XRN2: variants seen among roughly 807,000 people sequenced by gnomAD.
The protein encoded by XRN2 is DHM1-like protein.
Under a neutral mutation model 138.5 loss-of-function variants are expected in XRN2, and 44 were observed. The ratio of observed to expected loss-of-function variants is 0.32; its 90% CI spans 0.25 to 0.41. The LOEUF is 0.41. Ranked by LOEUF, XRN2 falls within the 10% of genes least tolerant of loss-of-function variation. XRN2 has a pLI of 1.00. For synonymous variants in XRN2, 354 were observed against 369.4 expected (o/e 0.96, Z 0.48); for missense variants, 937 against 1,169.3 (o/e 0.80, Z 2.90).
chr20:21,382,054 A>G lies in XRN2; in HGVS notation c.2645A>G (p.Asp882Gly). ...CCCCTTTTCCAGCAGCAAAGGTTTGACAGGTAATATTAAAAGTAGACATGA... is the reference window on the plus strand; with the variant it reads ...CCCCTTTTCCAGCAGCAAAGGTTTGGCAGGTAATATTAAAAGTAGACATGA... ...PPPLFQQQRF[D>G]RGVGAEPLLP... Residue 882 changes from aspartate (D) to glycine (G), a missense_variant, in exon 28 of 30, where the codon GAC (aspartate) becomes GGC (glycine). By Grantham distance (94) the Asp-to-Gly change is moderately conservative. Transcript: ENST00000377191. 1.3e-6 allele frequency: 2 copies of G among 1,503,570 alleles called. No homozygotes were observed. Among genetic ancestry groups the G allele is most frequent in the Non-Finnish European group, 1.8e-6 (2 of 1,136,974 alleles). 93.1% of individuals were successfully genotyped at this position (1,503,570 alleles called of 1,614,324 possible). A position where few individuals can be genotyped will look rare whatever the true frequency, so the allele number is the denominator to read the frequency against.
chr20:21,329,175 TG>T (rs781500751), intron 4 of XRN2, among the ~76,000 whole-genome samples: 4 of 152,212 alleles, frequency 2.6e-5, no homozygotes, highest in Admixed American at 6.5e-5. Flanking sequence ...TATAGGTTGA[TG>T]GAGCAGGCAC....
At chr20:21,379,296 A>G (rs1389110894) in intron 27 of XRN2, among the ~76,000 whole-genome samples, 1 of 152,208 alleles carries the variant, frequency 6.6e-6, no homozygotes, top group Non-Finnish European at 1.5e-5. Context: ...AGCCATACAA[A>G]TGAATGATAA....
intron 1 of XRN2, among the ~76,000 whole-genome samples, chr20:21,314,825 G>T (rs1239296065): frequency 6.6e-6 from 1 of 152,174 alleles, no homozygotes; most frequent in Non-Finnish European, 1.5e-5. Flanking sequence ...CAACTTGTCT[G>T]AGTCTGAGGA....
At chr20:21,380,497 A>G (rs898315870) in intron 27 of XRN2, among the ~76,000 whole-genome samples, 3 of 152,214 alleles carry the variant, frequency 2.0e-5, no homozygotes, top group African/African-American at 7.2e-5. Flanking sequence ...CTGATAGTGT[A>G]TAGTCTGTAG....
intron 20 of XRN2, among the ~76,000 whole-genome samples, chr20:21,353,845 C>T (rs1303821752): frequency 1.3e-5 from 2 of 150,620 alleles, no homozygotes; most frequent in Non-Finnish European, 2.9e-5. Flanking sequence ...GAACATGATT[C>T]CTAACCTTGG....
At chr20:21,383,841 G>A (rs1447372359) in intron 28 of XRN2, among the ~76,000 whole-genome samples, 1 of 152,056 alleles carries the variant, frequency 6.6e-6, no homozygotes, top group Non-Finnish European at 1.5e-5. Context: ...AATGTTTTTT[G>A]GTTTAGTTTT....
intron 27 of XRN2, among the ~76,000 whole-genome samples, chr20:21,370,689 G>A (rs1362769947): frequency 3.3e-5 from 5 of 152,160 alleles, no homozygotes; most frequent in Non-Finnish European, 7.4e-5. Flanking sequence ...TTGTGGACAG[G>A]TCAGAAATGT....
intron 27 of XRN2, among the ~76,000 whole-genome samples, chr20:21,378,081 T>G (rs893963489): frequency 8.5e-5 from 13 of 152,210 alleles, no homozygotes; most frequent in South Asian, 4.1e-4. Flanking sequence ...AGGGGTAGTA[T>G]TATCCTTTTA....
At chr20:21,375,828 T>G (rs1356007500) in intron 27 of XRN2, among the ~76,000 whole-genome samples, 1 of 70,830 alleles carries the variant, frequency 1.4e-5, no homozygotes, top group Non-Finnish European at 3.4e-5. Flanking sequence ...ATTTATTTAT[T>G]TTTTATTTAT....
At chr20:21,339,138 T>G in intron 14 of XRN2, 50 bp downstream of exon 14, 1 of 1,547,232 alleles carries the variant, frequency 6.5e-7, no homozygotes, top group Non-Finnish European at 8.9e-7. Context: ...ATTTTACAAT[T>G]TATGAGGAAG....
intron 13 of XRN2, among the ~76,000 whole-genome samples, chr20:21,337,315 C>G (rs1372728245): frequency 6.6e-6 from 1 of 152,050 alleles, no homozygotes; most frequent in Non-Finnish European, 1.5e-5. Flanking sequence ...GGATTCTGAA[C>G]ATGTTTTGAA....
At chr20:21,327,914 T>A (rs1414952487) in intron 3 of XRN2, among the ~76,000 whole-genome samples, 2 of 152,216 alleles carry the variant, frequency 1.3e-5, no homozygotes, top group Non-Finnish European at 2.9e-5. Context: ...CTAGTTCACT[T>A]TATTTGGGCT....
chr20:21,330,681 T>C lies in XRN2; in HGVS notation c.552T>C (p.Asn184=), dbSNP rs2038195444. 3.7e-6 allele frequency: 6 copies of C among 1,612,738 alleles called. No homozygotes were observed. Among genetic ancestry groups the C allele is most frequent in the Non-Finnish European group, 5.1e-6 (6 of 1,179,938 alleles). ...ATTACATAGCTGATCGTTTAAATAA[T>C]GACCCTGGGTGGAAAAATTTGACAG... The part of the protein sequence containing the change: ...LRYYIADRLN[N]DPGWKNLTVI... The change falls in exon 6 of 30, where the codon AAT becomes AAC. Residue 184 remains asparagine, a synonymous_variant. Coordinates refer to ENST00000377191, the MANE Select transcript of XRN2 (RefSeq NM_012255.5).
chr20:21,333,240 T>C (rs1260522964), intron 9 of XRN2, among the ~76,000 whole-genome samples: 1 of 152,178 alleles, frequency 6.6e-6, no homozygotes, highest in East Asian at 1.9e-4. Flanking sequence ...TTTACATTTT[T>C]AAAGTGTTGT....
In XRN2 at chr20:21,306,538, G is replaced by A. The variant is rs749804513; in HGVS notation, c.75+3065G>A. ...TTGATGACAAGTTCGGTGTTAATGT[G>A]ATGTATTTATTTAACCAGCAGTTAT... is the stretch of plus-strand genomic sequence containing the variant. On this transcript the variant is annotated intron_variant, in intron 1 of 29. Transcript: ENST00000377191. Among the ~76,000 whole-genome samples, 47 of 76,432 alleles carry A rather than the reference G, an allele frequency of 6.1e-4. 16 individuals are homozygous for A. Among genetic ancestry groups the A allele is most frequent in the Non-Finnish European group, 1.3e-3 (42 of 32,550 alleles). The allele number at this position is 76,432 out of a possible 152,430, so 50.1% of individuals were successfully genotyped here.
chr20:21,343,941 C>A, intron 15 of XRN2, 149 bp from the exon 16 acceptor site: 2 of 534,950 alleles, frequency 3.7e-6, no homozygotes, highest in Non-Finnish European at 6.7e-6. Flanking sequence ...CAAGATCAGT[C>A]TCTGTACCTT....
At chr20:21,329,738 C>T (rs1183015859) in intron 4 of XRN2, among the ~76,000 whole-genome samples, 10 of 152,014 alleles carry the variant, frequency 6.6e-5, no homozygotes, top group African/African-American at 2.4e-4. Flanking sequence ...TTATATTCCT[C>T]TACCTGATAA....
At chr20:21,357,817 T>C (rs1294257711) in intron 24 of XRN2, 25 bp downstream of exon 24, 2 of 1,591,112 alleles carry the variant, frequency 1.3e-6, no homozygotes, top group East Asian at 4.5e-5. Context: ...ATTCATGGCA[T>C]TCACCCAGAA....
At chr20:21,383,494 G>A (rs183605112) in intron 28 of XRN2, among the ~76,000 whole-genome samples, 2 of 152,280 alleles carry the variant, frequency 1.3e-5, no homozygotes, top group Admixed American at 6.5e-5. Flanking sequence ...AATGAAGAAA[G>A]TGAGGCACAG....
Sources: gnomAD v4.1 joint callset for allele counts (sites outside exome capture counted in the v4.1 genomes callset) on GRCh38, gnomAD v4.1.1 for gene constraint, MANE v1.5 for transcripts, NCBI Gene and HGNC (gene_info 2026-07-23, HGNC 2026-07-21) for gene names.